SCML4: variants seen among roughly 807,000 people sequenced by gnomAD.
SCML4 encodes the protein sex comb on midleg-like protein 4.
In SCML4, 34 loss-of-function variants were observed where a neutral mutation model predicts 41.1. That is an observed-to-expected ratio of 0.83 (90% CI 0.63 to 1.10). The LOEUF (loss-of-function observed/expected upper bound fraction) is 1.10, where lower values mean the gene tolerates loss of function less well. Ranked by LOEUF, SCML4 falls within the 50% of genes least tolerant of loss-of-function variation. The pLI is 0.00. For synonymous variants in SCML4, 214 were observed against 220.9 expected (o/e 0.97, Z 0.28); for missense variants, 522 against 534.1 (o/e 0.98, Z 0.22).
intron 3 of SCML4, among the ~76,000 whole-genome samples, chr6:107,748,225 C>T (rs930434509): frequency 1.3e-5 from 2 of 152,168 alleles, no homozygotes; most frequent in Non-Finnish European, 2.9e-5. Context: ...TTCTTCCATA[C>T]ATTAATGACC....
At chr6:107,789,498 C>G (rs774368243) in intron 1 of SCML4, among the ~76,000 whole-genome samples, 1 of 152,192 alleles carries the variant, frequency 6.6e-6, no homozygotes, top group Admixed American at 6.5e-5. Flanking sequence ...CTATGTCCTG[C>G]GTCGTTGACA....
chr6:107,829,046 A>G (rs1204317200), upstream of SCML4, among the ~76,000 whole-genome samples: 1 of 152,242 alleles, frequency 6.6e-6, no homozygotes, highest in Non-Finnish European at 1.5e-5. Flanking sequence ...AATTTACAAA[A>G]TAATATCCAG....
the SCML4 span, among the ~76,000 whole-genome samples, chr6:107,832,018 G>A: frequency 0.054 from 8,037 of 148,650 alleles, 622 homozygotes; most frequent in African/African-American, 0.16. Context: ...AGCCGAGATC[G>A]AGCCACTGCA....
chr6:107,725,047 A>AGGTC (rs1427479142), intron 5 of SCML4, among the ~76,000 whole-genome samples: 1 of 152,250 alleles, frequency 6.6e-6, no homozygotes, highest in East Asian at 1.9e-4. Flanking sequence ...GGAAGGGCAG[A>AGGTC]GGTCAGTGAG....
intron 1 of SCML4, among the ~76,000 whole-genome samples, chr6:107,782,031 AG>A (rs1781541276): frequency 6.6e-6 from 1 of 152,226 alleles, no homozygotes; most frequent in African/African-American, 2.4e-5. Flanking sequence ...TGCCCCCAAG[AG>A]GGGTACAACA....
At chr6:107,797,680 G>T (rs543256764) in intron 1 of SCML4, among the ~76,000 whole-genome samples, 34 of 152,064 alleles carry the variant, frequency 2.2e-4, no homozygotes, top group Middle Eastern at 3.4e-3. Flanking sequence ...CATATAAGTG[G>T]TGAGAAAGGA....
At chr6:107,772,660 C>T (rs530038060) in intron 1 of SCML4, among the ~76,000 whole-genome samples, 15 of 152,288 alleles carry the variant, frequency 9.8e-5, no homozygotes, top group South Asian at 6.2e-4. Flanking sequence ...AGTTTCCCAG[C>T]TCCAAACACA....
the SCML4 span, among the ~76,000 whole-genome samples, chr6:107,845,893 G>T: frequency 6.6e-6 from 1 of 152,184 alleles, no homozygotes; most frequent in Non-Finnish European, 1.5e-5. Flanking sequence ...GAACTCAGGT[G>T]CCACACGTGT....
chr6:107,727,041 T>A (rs1396773427), intron 5 of SCML4, among the ~76,000 whole-genome samples: 3 of 152,358 alleles, frequency 2.0e-5, no homozygotes, highest in Admixed American at 6.5e-5. Flanking sequence ...TAAGAATCTG[T>A]TATATCCATA....
Position 107,820,404 on chromosome 6 carries a change from G to A in SCML4, c.-60+3722C>T, listed in dbSNP as rs555185287. 8.5e-5 allele frequency among the ~76,000 whole-genome samples: 13 copies of A among 152,310 alleles called. No homozygotes were observed. In the South Asian group the frequency reaches 2.1e-3, roughly 24 times the overall value. The stretch of plus-strand genomic sequence containing the variant: ...GGTGTGTGTTTGTGTGTGCGTGTGC[G>A]TATGCATGTCTGAGAAGGGCTGTTG... On this transcript the variant is annotated intron_variant, in intron 1 of 7. Transcript: ENST00000369020.
rs1165625187 is a variant in SCML4, at chr6:107,720,813, C to G, written c.863G>C (p.Gly288Ala). 2.5e-6 allele frequency: 4 copies of G among 1,614,064 alleles called. No individual in the cohort carries two copies. Residue 288 changes from glycine to alanine, a missense_variant, in exon 6 of 8, where the codon GGT (glycine) becomes GCT (alanine). By Grantham distance (60) the Gly-to-Ala change is moderately conservative (BLOSUM62 0). Coordinates refer to ENST00000369020, the MANE Select transcript of SCML4 (RefSeq NM_198081.5). ...AGACATGGGGCTAGTGCGGGGACCA[C>G]CAGCGGTGGCAGCAGGACCACCCCC... The part of the protein sequence containing the change: ...HLGGGPAATA[G>A]GPRTSPMSSG...
intron 2 of SCML4, among the ~76,000 whole-genome samples, chr6:107,757,588 C>T (rs1190628702): frequency 6.6e-6 from 1 of 152,166 alleles, no homozygotes; most frequent in Non-Finnish European, 1.5e-5. Flanking sequence ...TCCAGCGTGG[C>T]CACTCGCTGA....
chr6:107,814,545 G>A (rs1003328843), intron 1 of SCML4, among the ~76,000 whole-genome samples: 10 of 152,096 alleles, frequency 6.6e-5, no homozygotes, highest in African/African-American at 2.4e-4. Flanking sequence ...TTACAAACAT[G>A]TTTTTTTGTT....
intron 7 of SCML4, among the ~76,000 whole-genome samples, chr6:107,706,499 G>A (rs1466290356): frequency 1.3e-5 from 2 of 152,110 alleles, no homozygotes; most frequent in East Asian, 1.9e-4. Flanking sequence ...ATAAGAAACA[G>A]GAAACAAAAA....
Position 107,786,656 on chromosome 6 carries a change from A to G in SCML4, c.-59-14270T>C, listed in dbSNP as rs538790003. Among the ~76,000 whole-genome samples the G allele has an allele frequency of 3.3e-5, 5 of 152,304 alleles. No homozygotes were observed. In the South Asian group the frequency reaches 1.0e-3, roughly 32 times the overall value. ...ACATCTTAAGGATTGACAAATATTTATTAAATAAATGATGTATGAACAAAT... is the reference window on the plus strand; with the variant it reads ...ACATCTTAAGGATTGACAAATATTTGTTAAATAAATGATGTATGAACAAAT... On this transcript the variant is annotated intron_variant, in intron 1 of 7. Transcript: ENST00000369020.
chr6:107,793,108 T>C (rs1583599458), intron 1 of SCML4, among the ~76,000 whole-genome samples: 1 of 152,072 alleles, frequency 6.6e-6, no homozygotes, highest in African/African-American at 2.4e-5. Context: ...CAGCACAAGG[T>C]GGAGGCACAA....
chr6:107,806,004 A>G (rs940114386), intron 1 of SCML4, among the ~76,000 whole-genome samples: 1 of 152,200 alleles, frequency 6.6e-6, no homozygotes, highest in Non-Finnish European at 1.5e-5. Context: ...AGAAGTGGCT[A>G]AGGAGACACC....
chr6:107,730,379 G>C (rs1049562178), intron 5 of SCML4, among the ~76,000 whole-genome samples: 4 of 152,162 alleles, frequency 2.6e-5, no homozygotes, highest in African/African-American at 9.7e-5. Flanking sequence ...TTTTCCATCT[G>C]AAAGAAGCTG....
chr6:107,803,913 G>T (rs1309053252), intron 1 of SCML4, among the ~76,000 whole-genome samples: 1 of 151,632 alleles, frequency 6.6e-6, no homozygotes, highest in Non-Finnish European at 1.5e-5. Flanking sequence ...CAAACACTGC[G>T]GAAGGCCGCA....
Sources: gnomAD v4.1 joint callset for allele counts (sites outside exome capture counted in the v4.1 genomes callset) on GRCh38, gnomAD v4.1.1 for gene constraint, MANE v1.5 for transcripts, NCBI Gene and HGNC (gene_info 2026-07-23, HGNC 2026-07-21) for gene names.